The following RGS8 variants were observed in gnomAD, a reference collection of about 807,000 sequenced individuals.
RGS8 encodes regulator of G protein signaling 8.
A neutral mutation model predicts 21.7 loss-of-function variants in RGS8; 8 were observed. The observed-to-expected ratio is 0.37, with a 90% CI of 0.22 to 0.66. The LOEUF (loss-of-function observed/expected upper bound fraction) is 0.66, where lower values mean the gene tolerates loss of function less well. Ranked by LOEUF, RGS8 falls within the 30% of genes least tolerant of loss-of-function variation. The pLI, the probability that RGS8 is intolerant of heterozygous loss-of-function variation, is 0.59. For synonymous variants in RGS8, 80 were observed against 83.6 expected (o/e 0.96, Z 0.24); for missense variants, 157 against 217.9 (o/e 0.72, Z 1.76).
chr1:182,729,651 C>T, the RGS8 span, among the ~76,000 whole-genome samples: 2 of 152,060 alleles, frequency 1.3e-5, no homozygotes, highest in African/African-American at 2.4e-5. Flanking sequence ...AATTTTTGCA[C>T]ATTAAAAATC....
the RGS8 span, among the ~76,000 whole-genome samples, chr1:182,724,160 T>A: frequency 7.3e-6 from 1 of 137,820 alleles, no homozygotes; most frequent in Non-Finnish European, 1.5e-5. Flanking sequence ...GGCCAGAATA[T>A]AAATAGAAAG....
intron 6 of RGS8, 60 bp downstream of exon 7, chr1:182,648,077 A>G: frequency 6.8e-7 from 1 of 1,474,834 alleles, no homozygotes; most frequent in Non-Finnish European, 9.2e-7. Flanking sequence ...ATCCTCTCTG[A>G]GGAGAGAAAT....
the RGS8 span, among the ~76,000 whole-genome samples, chr1:182,736,076 A>T: frequency 6.6e-6 from 1 of 152,212 alleles, no homozygotes. Context: ...TCTTTTTTAC[A>T]ACAATACATT....
chr1:182,654,992 T>C (rs561158499), intron 5 of RGS8, among the ~76,000 whole-genome samples: 73 of 152,144 alleles, frequency 4.8e-4, no homozygotes, highest in Non-Finnish European at 7.6e-4. Context: ...TCAGCAAGCA[T>C]TGATAGCACA....
the RGS8 span, among the ~76,000 whole-genome samples, chr1:182,698,558 C>T: frequency 6.6e-6 from 1 of 152,122 alleles, no homozygotes; most frequent in Non-Finnish European, 1.5e-5. Context: ...TCTGGAAAGC[C>T]AAATATAATT....
chr1:182,671,807 G>A (rs1192060312), intron 1 of RGS8, 77 bp from the exon 3 acceptor site: 3 of 1,603,152 alleles, frequency 1.9e-6, no homozygotes, highest in Non-Finnish European at 1.7e-6. Flanking sequence ...AACACATAGG[G>A]GCACACACAC....
At chr1:182,739,572 G>A in the RGS8 span, among the ~76,000 whole-genome samples, 1 of 152,128 alleles carries the variant, frequency 6.6e-6, no homozygotes, top group East Asian at 1.9e-4. Context: ...CTAAAGTATT[G>A]TATATTGGCT....
At chr1:182,710,456 C>T in the RGS8 span, among the ~76,000 whole-genome samples, 1 of 152,164 alleles carries the variant, frequency 6.6e-6, no homozygotes, top group African/African-American at 2.4e-5. Flanking sequence ...GTGTCCTCCT[C>T]CCCCAGGCTG....
chr1:182,645,224 T>C (rs1662651487), downstream of RGS8: 1 of 152,254 alleles, frequency 6.6e-6, no homozygotes, highest in African/African-American at 2.4e-5. Context: ...CCTAATCATG[T>C]GCTGTTCCAC....
chr1:182,704,523 A>T, the RGS8 span, among the ~76,000 whole-genome samples: 7 of 152,130 alleles, frequency 4.6e-5, no homozygotes, highest in African/African-American at 1.7e-4. Context: ...AAAGCAGGTA[A>T]GGGGGGGCAT....
chr1:182,670,270 C>T (rs1025255368), intron 2 of RGS8, among the ~76,000 whole-genome samples: 1 of 152,214 alleles, frequency 6.6e-6, no homozygotes, highest in African/African-American at 2.4e-5. Context: ...GCACCATCAC[C>T]ACACAGGCTT....
At chr1:182,713,363 T>C in the RGS8 span, among the ~76,000 whole-genome samples, 1 of 152,102 alleles carries the variant, frequency 6.6e-6, no homozygotes, top group East Asian at 1.9e-4. Flanking sequence ...TTTGTATTTT[T>C]AGTAGAGATG....
At chr1:182,741,111 T>C in the RGS8 span, among the ~76,000 whole-genome samples, 1 of 151,436 alleles carries the variant, frequency 6.6e-6, no homozygotes, top group Non-Finnish European at 1.5e-5. Context: ...GAGGGGCTCC[T>C]CACTTCCCAG....
the RGS8 span, among the ~76,000 whole-genome samples, chr1:182,731,026 G>A: frequency 1.3e-5 from 2 of 152,196 alleles, no homozygotes; most frequent in African/African-American, 4.8e-5. Flanking sequence ...ACCAGTGGCA[G>A]ATTTCTAAAG....
the RGS8 span, among the ~76,000 whole-genome samples, chr1:182,689,654 C>T: frequency 6.6e-6 from 1 of 152,106 alleles, no homozygotes; most frequent in African/African-American, 2.4e-5. Context: ...CAGAAGATTC[C>T]AGGTAGACAG....
At chr1:182,741,873 C>T in the RGS8 span, among the ~76,000 whole-genome samples, 2 of 130,078 alleles carry the variant, frequency 1.5e-5, no homozygotes, top group South Asian at 2.5e-4. Flanking sequence ...GCTGGCCGGG[C>T]GGGGGGCTGA....
chr1:182,741,228 G>C, the RGS8 span, among the ~76,000 whole-genome samples: 1 of 146,092 alleles, frequency 6.8e-6, no homozygotes, highest in African/African-American at 2.6e-5. Flanking sequence ...TGGCCGGGCA[G>C]AGGGGCTCCT....
chr1:182,718,324 T>C, the RGS8 span, among the ~76,000 whole-genome samples: 1 of 152,152 alleles, frequency 6.6e-6, no homozygotes, highest in African/African-American at 2.4e-5. Context: ...GAAACAGAAT[T>C]GATTCAGCAG....
chr1:182,677,629 G>A (rs148088179), upstream of RGS8, among the ~76,000 whole-genome samples: 23 of 152,310 alleles, frequency 1.5e-4, no homozygotes, highest in East Asian at 2.7e-3. Context: ...TGGGGGTTAC[G>A]TAAGTCTCTG....
Sources: allele counts gnomAD v4.1 joint callset (sites outside exome capture counted in the v4.1 genomes callset), GRCh38; gene constraint gnomAD v4.1.1; transcripts MANE v1.5; gene names NCBI Gene and HGNC (gene_info 2026-07-23, HGNC 2026-07-21).